CFAP77: variants seen among roughly 807,000 people sequenced by gnomAD.
CFAP77 encodes the protein cilia and flagella associated protein 77.
A neutral mutation model predicts 31.1 loss-of-function variants in CFAP77; 25 were observed. That is an observed-to-expected ratio of 0.80 (90% CI 0.59 to 1.12). The LOEUF is 1.12. Among genes scored for constraint, CFAP77 ranks in the 50% most tolerant of loss-of-function variants. CFAP77 has a pLI of 0.00. For synonymous variants in CFAP77, 151 were observed against 159.9 expected (o/e 0.94, Z 0.42); for missense variants, 377 against 397.3 (o/e 0.95, Z 0.44).
rs370182749 is a variant in CFAP77 at position 132,531,921 on chromosome 9, TG to T, written c.525-5678del. On this transcript the variant is annotated intron_variant, in intron 3 of 5. Coordinates refer to ENST00000393216, the MANE Select transcript of CFAP77 (RefSeq NM_001282957.2). Reference sequence around the variant, plus strand: ...CGCAGGAGGGCTGAGGGTGCCTTTGTGGTGGCGATGGATGTACCGGGGACTG... The same window carrying T: ...CGCAGGAGGGCTGAGGGTGCCTTTGTGTGGCGATGGATGTACCGGGGACTG... 2.6e-3 allele frequency among the ~76,000 whole-genome samples: 400 copies of T among 152,264 alleles called. 3 individuals are homozygous for T. The highest frequency in any genetic ancestry group is 9.3e-3 in the African/African-American group (387 of 41,562).
intron 1 of CFAP77, among the ~76,000 whole-genome samples, chr9:132,415,068 A>G (rs1850072782): frequency 6.6e-6 from 1 of 151,796 alleles, no homozygotes; most frequent in Admixed American, 6.5e-5. Context: ...ACGCAGCTTT[A>G]TTGTTGAAGA....
At chr9:132,479,384 C>T (rs1232475132) in intron 1 of CFAP77, among the ~76,000 whole-genome samples, 3 of 152,152 alleles carry the variant, frequency 2.0e-5, no homozygotes, top group African/African-American at 7.2e-5. Context: ...CTCCCAACCA[C>T]AGAACCACAG....
In CFAP77 at chr9:132,499,183, C is replaced by A. The variant is rs1851796279; in HGVS notation, c.296-189C>A. ...TGCTTGGCTTGGGTACCCTCAGGATCTCTGGGAGCCCTGATCCCGCCGTTT... is the reference window on the plus strand; with the variant it reads ...TGCTTGGCTTGGGTACCCTCAGGATATCTGGGAGCCCTGATCCCGCCGTTT... On this transcript the variant is annotated intron_variant, in intron 2 of 5. Transcript: ENST00000393216. This position sits in a 1 kb window ranked among gnomAD's most constrained non-coding sequence, Gnocchi z 5.4. 6.6e-6 allele frequency among the ~76,000 whole-genome samples: 1 copy of A among 152,222 alleles called. No individual in the cohort carries two copies. Among genetic ancestry groups the A allele is most frequent in the Non-Finnish European group, 1.5e-5 (1 of 68,036 alleles).
chr9:132,425,154 C>G (rs1850291715), intron 1 of CFAP77, among the ~76,000 whole-genome samples: 1 of 152,172 alleles, frequency 6.6e-6, no homozygotes, highest in Non-Finnish European at 1.5e-5. Flanking sequence ...AGGCCTTTCC[C>G]TTGTTTTCTG....
intron 1 of CFAP77, among the ~76,000 whole-genome samples, chr9:132,428,819 C>A (rs1016157276): frequency 6.6e-6 from 1 of 151,924 alleles, no homozygotes; most frequent in African/African-American, 2.4e-5. Context: ...AAGACCCCCC[C>A]CTGCTCTGCG....
At chr9:132,469,741 C>T (rs756194871) in intron 1 of CFAP77, among the ~76,000 whole-genome samples, 15 of 152,116 alleles carry the variant, frequency 9.9e-5, no homozygotes, top group Admixed American at 3.3e-4. Context: ...TGCTCCACCC[C>T]GGCGGTGACA....
At chr9:132,445,560 T>C (rs1414053571) in intron 1 of CFAP77, among the ~76,000 whole-genome samples, 1 of 152,178 alleles carries the variant, frequency 6.6e-6, no homozygotes, top group Admixed American at 6.5e-5. Flanking sequence ...GCACAGGTTA[T>C]TGGCTTTTGA....
chr9:132,524,128 C>T (rs981437895), intron 3 of CFAP77, among the ~76,000 whole-genome samples: 14 of 151,352 alleles, frequency 9.2e-5, no homozygotes, highest in Admixed American at 5.9e-4. Flanking sequence ...TGAGCCACTG[C>T]GCCCAACCTA....
At chr9:132,524,622 A>C (rs1852323033) in intron 3 of CFAP77, among the ~76,000 whole-genome samples, 1 of 152,098 alleles carries the variant, frequency 6.6e-6, no homozygotes, top group Non-Finnish European at 1.5e-5. Context: ...CAAAAAAAAA[A>C]AAATTAATTG....
intron 1 of CFAP77, among the ~76,000 whole-genome samples, chr9:132,463,030 T>C (rs1314647619): frequency 6.6e-6 from 1 of 151,500 alleles, no homozygotes; most frequent in Non-Finnish European, 1.5e-5. Context: ...CAGTCCAGAG[T>C]GGGCTGGATA....
intron 1 of CFAP77, among the ~76,000 whole-genome samples, chr9:132,483,280 A>C (rs1024615155): frequency 2.6e-5 from 4 of 151,958 alleles, no homozygotes; most frequent in African/African-American, 9.7e-5. Context: ...TTAAAACAAA[A>C]AAACAAACAA....
In CFAP77 at chr9:132,488,498, G is replaced by A. The variant is rs71503148; in HGVS notation, c.196-10197G>A. Among the ~76,000 whole-genome samples, 997 of 152,326 alleles carry A rather than the reference G, an allele frequency of 6.5e-3. 6 individuals are homozygous for A. The highest frequency in any genetic ancestry group is 0.012 in the Non-Finnish European group (786 of 68,038). On this transcript the variant is annotated intron_variant, in intron 1 of 5. Coordinates refer to ENST00000393216, the MANE Select transcript of CFAP77 (RefSeq NM_001282957.2). ...GAGGGCTAGTTAAGGGGAAAAAAAA[G>A]TAGATTGGGTGGGAAATGATTAGAC...
chr9:132,431,300 G>A (rs1304690416), intron 1 of CFAP77, among the ~76,000 whole-genome samples: 1 of 152,116 alleles, frequency 6.6e-6, no homozygotes, highest in African/African-American at 2.4e-5. Context: ...TGTTTTAAAA[G>A]AACATAAATA....
chr9:132,539,957 GTT>G lies in CFAP77; in HGVS notation c.630+2254_630+2255del, dbSNP rs891297186. Among the ~76,000 whole-genome samples the G allele has an allele frequency of 1.3e-5, 2 of 151,948 alleles. No homozygotes were observed. Among genetic ancestry groups the G allele is most frequent in the Admixed American group, 1.3e-4 (2 of 15,254 alleles). On this transcript the variant is annotated intron_variant, in intron 4 of 5. Transcript: ENST00000393216. This position sits in a 1 kb window ranked among gnomAD's most constrained non-coding sequence, Gnocchi z 4.3. ...TTTGTTTGTTTGTTTTTGAGACGGA[GTT>G]TTGCTCTTGTTGCCCAGGCTGGAGT... is the stretch of plus-strand genomic sequence containing the variant.
At chr9:132,559,368 G>GAAAAAAAAAAAAAAAAAA (rs1852959566) in intron 5 of CFAP77, among the ~76,000 whole-genome samples, 1 of 80,462 alleles carries the variant, frequency 1.2e-5, no homozygotes, top group East Asian at 3.0e-4. Context: ...AAAAAAAAAG[G>GAAAAAAAAAAAAAAAAAA]CAAAAGATAG....
intron 5 of CFAP77, among the ~76,000 whole-genome samples, chr9:132,555,351 C>A (rs1852886026): frequency 6.6e-6 from 1 of 152,208 alleles, no homozygotes; most frequent in African/African-American, 2.4e-5. Flanking sequence ...GGGCCGAGGA[C>A]ACCAAACATC....
intron 1 of CFAP77, among the ~76,000 whole-genome samples, chr9:132,426,713 T>C (rs1394013238): frequency 1.3e-5 from 2 of 152,188 alleles, no homozygotes; most frequent in Non-Finnish European, 2.9e-5. Context: ...TTTCCATCAC[T>C]GTTTGCCTAA....
intron 3 of CFAP77, among the ~76,000 whole-genome samples, chr9:132,535,588 C>T (rs1339495824): frequency 6.6e-6 from 1 of 152,162 alleles, no homozygotes; most frequent in Non-Finnish European, 1.5e-5. Flanking sequence ...TGGCTGGTGC[C>T]TGTGATCCCA....
At chr9:132,505,845 C>T (rs969022437) in intron 3 of CFAP77, among the ~76,000 whole-genome samples, 1 of 152,150 alleles carries the variant, frequency 6.6e-6, no homozygotes, top group African/African-American at 2.4e-5. Context: ...GAGTTTGGAA[C>T]CCCTGGTGTA....
Sources: gnomAD v4.1 joint callset for allele counts (sites outside exome capture counted in the v4.1 genomes callset) on GRCh38, gnomAD v4.1.1 for gene constraint, Gnocchi (gnomAD v3.1) non-coding constraint, MANE v1.5 for transcripts, NCBI Gene and HGNC (gene_info 2026-07-23, HGNC 2026-07-21) for gene names.